Variants in BCKDHB observed in about 807,000 individuals in gnomAD.
BCKDHB encodes branched chain keto acid dehydrogenase E1 subunit beta.
Under a neutral mutation model 48.5 loss-of-function variants are expected in BCKDHB, and 41 were observed. The ratio of observed to expected loss-of-function variants is 0.85; its 90% CI spans 0.66 to 1.10. The LOEUF (loss-of-function observed/expected upper bound fraction) is 1.10. BCKDHB is among the 50% of genes least tolerant of loss of function. The pLI is 0.00. For synonymous variants in BCKDHB, 201 were observed against 174.8 expected (o/e 1.15, Z -1.18); for missense variants, 496 against 494.2 (o/e 1.00, Z -0.03).
At chr6:80,405,397 C>A in the BCKDHB span, among the ~76,000 whole-genome samples, 5 of 152,062 alleles carry the variant, frequency 3.3e-5, no homozygotes, top group African/African-American at 1.2e-4. Flanking sequence ...CTTTATTCAT[C>A]TTTTCACTTT....
chr6:80,417,473 T>C, the BCKDHB span, among the ~76,000 whole-genome samples: 1 of 152,216 alleles, frequency 6.6e-6, no homozygotes, highest in Non-Finnish European at 1.5e-5. Context: ...TAGTGGCTTG[T>C]AATGGTCCTT....
chr6:80,418,094 T>C, the BCKDHB span, among the ~76,000 whole-genome samples: 1 of 152,322 alleles, frequency 6.6e-6, no homozygotes, highest in South Asian at 2.1e-4. Flanking sequence ...TTCAAGCTCT[T>C]AGATTCTTTT....
At chr6:80,329,339 G>C (rs568376785) in intron 9 of BCKDHB, among the ~76,000 whole-genome samples, 2 of 152,248 alleles carry the variant, frequency 1.3e-5, no homozygotes, top group African/African-American at 4.8e-5. Flanking sequence ...ACCACTCACT[G>C]TATTGTGTCT....
chr6:80,425,927 C>A, the BCKDHB span, among the ~76,000 whole-genome samples: 1 of 152,076 alleles, frequency 6.6e-6, no homozygotes, highest in African/African-American at 2.4e-5. Context: ...AGATAAAAAA[C>A]CAAAACTGAC....
the BCKDHB span, among the ~76,000 whole-genome samples, chr6:80,359,581 T>C: frequency 1.1e-4 from 16 of 149,788 alleles, no homozygotes; most frequent in Non-Finnish European, 7.4e-5. Flanking sequence ...TTAATACGCT[T>C]GTTTCTTATT....
At chr6:80,423,622 A>T in the BCKDHB span, among the ~76,000 whole-genome samples, 1 of 152,170 alleles carries the variant, frequency 6.6e-6, no homozygotes, top group Non-Finnish European at 1.5e-5. Flanking sequence ...ACATCTCTTG[A>T]ATTAGTCACC....
chr6:80,143,970 A>G (rs1771344874), intron 3 of BCKDHB, among the ~76,000 whole-genome samples: 1 of 152,136 alleles, frequency 6.6e-6, no homozygotes, highest in South Asian at 2.1e-4. Flanking sequence ...GCCAGCTTGG[A>G]GTCTAGCAGA....
the BCKDHB span, among the ~76,000 whole-genome samples, chr6:80,431,057 C>G: frequency 5.3e-5 from 8 of 152,256 alleles, no homozygotes; most frequent in South Asian, 1.0e-3. Context: ...ATCTTTATTT[C>G]TGCCTTCATT....
At chr6:80,420,245 A>G in the BCKDHB span, among the ~76,000 whole-genome samples, 1 of 152,126 alleles carries the variant, frequency 6.6e-6, no homozygotes, top group Non-Finnish European at 1.5e-5. Context: ...GAAGCTCTGC[A>G]TTGCCATGTT....
the BCKDHB span, among the ~76,000 whole-genome samples, chr6:80,380,787 T>G: frequency 6.6e-6 from 1 of 151,906 alleles, no homozygotes; most frequent in African/African-American, 2.4e-5. Context: ...TGAACAGATG[T>G]TTCTCAAAAA....
intron 9 of BCKDHB, among the ~76,000 whole-genome samples, chr6:80,327,216 A>G (rs1769075350): frequency 6.6e-6 from 1 of 152,228 alleles, no homozygotes; most frequent in Non-Finnish European, 1.5e-5. Flanking sequence ...CCTGTAACTT[A>G]GCCTTGTATG....
the BCKDHB span, among the ~76,000 whole-genome samples, chr6:80,392,366 TTTTTTTA>T: frequency 6.6e-6 from 1 of 150,854 alleles, no homozygotes; most frequent in Non-Finnish European, 1.5e-5. Context: ...GGCTGTATTT[TTTTTTTA>T]TTTATTTTGA....
chr6:80,349,273 G>A (rs1425035835), downstream of BCKDHB, among the ~76,000 whole-genome samples: 2 of 152,180 alleles, frequency 1.3e-5, no homozygotes, highest in East Asian at 3.9e-4. Flanking sequence ...ACTAAAAGCA[G>A]CATATGTGTC....
At chr6:80,400,048 A>G in the BCKDHB span, among the ~76,000 whole-genome samples, 3 of 152,006 alleles carry the variant, frequency 2.0e-5, no homozygotes, top group South Asian at 2.1e-4. Context: ...TTGAAACTGT[A>G]CTCCTTCCTT....
chr6:80,162,314 A>G (rs146649757), intron 3 of BCKDHB, among the ~76,000 whole-genome samples: 9 of 152,310 alleles, frequency 5.9e-5, no homozygotes, highest in African/African-American at 1.9e-4. Context: ...TTATCACTGC[A>G]TATATCCATG....
intron 9 of BCKDHB, among the ~76,000 whole-genome samples, chr6:80,302,540 G>A (rs1232951365): frequency 2.6e-5 from 4 of 152,068 alleles, no homozygotes; most frequent in Non-Finnish European, 1.5e-5. Context: ...TTAGAGGATT[G>A]GATGTTCAAA....
chr6:80,266,688 C>A (rs1336679411), intron 8 of BCKDHB, among the ~76,000 whole-genome samples: 1 of 151,956 alleles, frequency 6.6e-6, no homozygotes, highest in Non-Finnish European at 1.5e-5. Context: ...CAGGGCAGTC[C>A]TCTATTACAA....
At chr6:80,139,353 G>T (rs1008390292) in intron 3 of BCKDHB, among the ~76,000 whole-genome samples, 6 of 152,056 alleles carry the variant, frequency 3.9e-5, no homozygotes, top group Admixed American at 3.3e-4. Context: ...ATTGCTTTTG[G>T]TGTTTTAGAC....
intron 8 of BCKDHB, among the ~76,000 whole-genome samples, chr6:80,235,072 G>A (rs1776093201): frequency 6.6e-6 from 1 of 152,098 alleles, no homozygotes; most frequent in African/African-American, 2.4e-5. Flanking sequence ...ACAGTTAGAA[G>A]AAATAAGTTC....
Sources: allele counts gnomAD v4.1 joint callset (sites outside exome capture counted in the v4.1 genomes callset), GRCh38; gene constraint gnomAD v4.1.1; transcripts MANE v1.5; gene names NCBI Gene and HGNC (gene_info 2026-07-23, HGNC 2026-07-21).